Variants in ITLN1 observed in about 807,000 individuals in gnomAD.
The protein encoded by ITLN1 is intelectin-1.
Under a neutral mutation model 36.2 loss-of-function variants are expected in ITLN1, and 29 were observed. The ratio of observed to expected loss-of-function variants is 0.80; its 90% CI spans 0.60 to 1.09. ITLN1 has a LOEUF of 1.09. ITLN1 is among the 50% of genes least tolerant of loss of function. The pLI, the probability that ITLN1 is intolerant of heterozygous loss-of-function variation, is 0.00. For synonymous variants in ITLN1, 143 were observed against 146.5 expected (o/e 0.98, Z 0.17); for missense variants, 358 against 405.2 (o/e 0.88, Z 1.00).
chr1:160,883,158 G>A (rs149530779), intron 3 of ITLN1, among the ~76,000 whole-genome samples: 33 of 152,134 alleles, frequency 2.2e-4, no homozygotes, highest in African/African-American at 7.2e-4. Flanking sequence ...CTGAGCCACC[G>A]CACCCGGCCC....
intron 1 of ITLN1, 46 bp from the exon 2 acceptor site, chr1:160,884,929 T>C (rs1452400701): frequency 2.3e-6 from 3 of 1,293,740 alleles, no homozygotes; most frequent in Non-Finnish European, 3.4e-6. Flanking sequence ...ATCATTTTTC[T>C]CTACATCCCT....
Position 160,881,265 on chromosome 1 carries a change from G to C in ITLN1, c.453C>G (p.His151Gln). 1 of 1,611,772 alleles carries C rather than the reference G, an allele frequency of 6.2e-7. No homozygotes were observed. The highest frequency in any genetic ancestry group is 8.5e-7 in the Non-Finnish European group (1 of 1,178,800). The change falls in exon 5 of 8, where the codon CAC (histidine) becomes CAG (glutamine). Residue 151 changes from histidine to glutamine, a missense_variant. Physicochemically the swap from His to Gln is conservative, Grantham distance 24. Transcript: ENST00000326245. Reference protein sequence around the residue: ...DIQAKDLGIWHVPNKSPMQHW... With the variant: ...DIQAKDLGIWQVPNKSPMQHW... ...GCTGCATGGGGGACTTATTGGGCAC[G>C]TGCCAGATGCCCAGGTCCTTGGCCT...
chr1:160,880,608 T>C lies in ITLN1; in HGVS notation c.665A>G (p.Tyr222Cys). 6.2e-7 allele frequency: 1 copy of C among 1,614,128 alleles called. No individual in the cohort carries two copies. The highest frequency in any genetic ancestry group is 8.5e-7 in the Non-Finnish European group (1 of 1,180,012). ...CTCACGCTGGCCATAGGGTGAGTAATAAGATGCTGTTTTCTGGGCGTCGCC... is the reference window on the plus strand; with the variant it reads ...CTCACGCTGGCCATAGGGTGAGTAACAAGATGCTGTTTTCTGGGCGTCGCC... ...DFGDAQKTAS[Y>C]YSPYGQREFT... The change falls in exon 6 of 8, where the codon TAT (tyrosine) becomes TGT (cysteine). Residue 222 changes from tyrosine to cysteine, a missense_variant. Tyr to Cys is a radical substitution (Grantham distance 194, BLOSUM62 -2). Coordinates refer to ENST00000326245, the MANE Select transcript of ITLN1 (RefSeq NM_017625.3).
At chr1:160,882,246 G>A (rs1181694892) in intron 3 of ITLN1, 42 bp from the exon 4 acceptor site, 20 of 1,531,942 alleles carry the variant, frequency 1.3e-5, no homozygotes, top group Non-Finnish European at 1.8e-5. Flanking sequence ...TCTGAGAGCT[G>A]AGGGTTCATT....
chr1:160,879,521 C>A, intron 6 of ITLN1, 107 bp from the exon 7 acceptor site: 1 of 817,480 alleles, frequency 1.2e-6, no homozygotes. Context: ...CAGCCCAACA[C>A]TCCAGCTGTA....
intron 5 of ITLN1, 85 bp from the exon 6 acceptor site, chr1:160,880,793 G>A (rs1442956756): frequency 1.1e-5 from 16 of 1,459,304 alleles, no homozygotes; most frequent in Non-Finnish European, 1.5e-5. Context: ...CATTCATAGA[G>A]GAGAAACAAT....
At chr1:160,884,946 C>A (rs1670735227) in intron 1 of ITLN1, 63 bp from the exon 2 acceptor site, 3 of 1,067,050 alleles carry the variant, frequency 2.8e-6, no homozygotes, top group African/African-American at 3.1e-5. Context: ...CCCTGCCCCA[C>A]CCCTGTCCAG....
At chr1:160,882,315 C>T in intron 3 of ITLN1, 111 bp from the exon 4 acceptor site, 3 of 1,390,944 alleles carry the variant, frequency 2.2e-6, no homozygotes, top group South Asian at 3.0e-5. Context: ...GGCTCCTGTC[C>T]TGACTCACAT....
Position 160,879,411 on chromosome 1 carries a change from T to C in ITLN1, c.689A>G (p.Glu230Gly). ...ASYYSPYGQR[E>G]FTAGFVQFRV... ...GAACTGAACAAATCCCGCAGTGAAT[T>C]CCCCTGAAAACAAGAGGCAGAAAAC... The change falls in exon 7 of 8, where the codon GAA becomes GGA. Residue 230 changes from glutamate (E) to glycine (G), a missense_variant. Transcript: ENST00000326245. The C allele has an allele frequency of 6.2e-7, 1 of 1,613,348 alleles. No homozygotes were observed. The highest frequency in any genetic ancestry group is 8.5e-7 in the Non-Finnish European group (1 of 1,179,390).
chr1:160,883,731 G>A (rs192521774), intron 2 of ITLN1, among the ~76,000 whole-genome samples: 137 of 152,154 alleles, frequency 9.0e-4, no homozygotes, highest in Middle Eastern at 3.4e-3. Flanking sequence ...CAGCCCATCC[G>A]ACCTGACAGC....
chr1:160,880,763 A>G, intron 5 of ITLN1, 55 bp from the exon 6 acceptor site: 1 of 1,598,676 alleles, frequency 6.3e-7, no homozygotes, highest in Non-Finnish European at 8.6e-7. Context: ...TGCCATTACC[A>G]GCATCTCCTG....
At chr1:160,879,270 G>A (rs3766359) in intron 7 of ITLN1, 41 bp downstream of exon 7, 942,782 of 1,431,206 alleles carry the variant, frequency 0.66, 315,946 homozygotes, top group Middle Eastern at 0.71. Context: ...GGACAAACTC[G>A]ACCTTACTCA....
Position 160,881,250 on chromosome 1 carries a change from G to A in ITLN1, c.468C>T (p.Ser156=), listed in dbSNP as rs763746240. The change falls in exon 5 of 8, where the codon TCC becomes TCT. Residue 156 remains serine (S), a synonymous_variant. Coordinates refer to ENST00000326245, the MANE Select transcript of ITLN1 (RefSeq NM_017625.3). Reference sequence around the variant, plus strand: ...AGCTGTTTCTCCAGTGCTGCATGGGGGACTTATTGGGCACGTGCCAGATGC... The same window carrying A: ...AGCTGTTTCTCCAGTGCTGCATGGGAGACTTATTGGGCACGTGCCAGATGC... ...DLGIWHVPNK[S]PMQHWRNSSL... is the part of the protein sequence containing the mutation. 1.2e-6 allele frequency: 2 copies of A among 1,613,000 alleles called. No individual in the cohort carries two copies. Among genetic ancestry groups the A allele is most frequent in the Non-Finnish European group, 1.7e-6 (2 of 1,179,458 alleles).
intron 7 of ITLN1, among the ~76,000 whole-genome samples, chr1:160,877,077 A>G (rs187336095): frequency 2.6e-5 from 4 of 152,270 alleles, no homozygotes; most frequent in Admixed American, 6.5e-5. Context: ...ATCTCTACAA[A>G]AAATACAAAA....
intron 7 of ITLN1, among the ~76,000 whole-genome samples, chr1:160,877,620 A>G (rs4656955): frequency 0.58 from 88,065 of 152,030 alleles, 27,540 homozygotes; most frequent in Non-Finnish European, 0.68. Context: ...TTCATAAATG[A>G]CACTCCCTCA....
chr1:160,879,317 A>C lies in ITLN1; in HGVS notation c.783T>G (p.Thr261=), dbSNP rs773957192. ...CAGMRVTGCN[T]EHHCIGGGGY... ...AGTCCCCACAGAGACTCACGTGCTC[A>C]GTGTTACATCCGGTGACCCTCATTC... The change falls in exon 7 of 8, where the codon ACT becomes ACG. Residue 261 remains threonine (T), a synonymous_variant. Transcript: ENST00000326245. The C allele has an allele frequency of 2.4e-5, 39 of 1,612,570 alleles. No individual in the cohort carries two copies. The highest frequency in any genetic ancestry group is 1.3e-4 in the Admixed American group (8 of 59,994).
At chr1:160,879,928 G>A (rs767264230) in intron 6 of ITLN1, among the ~76,000 whole-genome samples, 1 of 152,010 alleles carries the variant, frequency 6.6e-6, no homozygotes, top group African/African-American at 2.4e-5. Flanking sequence ...CCATTTTTTT[G>A]GTTGTTCTGT....
In ITLN1 at chr1:160,881,604, T is replaced by C. The variant is rs1369924951; in HGVS notation, c.406-292A>G. 3 of 479,926 alleles carry C rather than the reference T, an allele frequency of 6.3e-6. No individual in the cohort carries two copies. The East Asian group carries it at 1.1e-4, about 18-fold the overall frequency. The allele number at this position is 479,926 out of a possible 1,614,324, so 29.7% of individuals were successfully genotyped here. ...CGGGCAGGTCACTTGAGGTCAGGAG[T>C]TCGAGACGAGCCTGGCCAACATGGT... On this transcript the variant is annotated intron_variant, in intron 4 of 7. Coordinates refer to ENST00000326245, the MANE Select transcript of ITLN1 (RefSeq NM_017625.3).
chr1:160,882,295 A>G, intron 3 of ITLN1, 91 bp from the exon 4 acceptor site: 1 of 1,492,350 alleles, frequency 6.7e-7, no homozygotes. Flanking sequence ...AACCAGAGAC[A>G]TGGCCTAAAG....
Sources: allele counts gnomAD v4.1 joint callset (sites outside exome capture counted in the v4.1 genomes callset), GRCh38; gene constraint gnomAD v4.1.1; transcripts MANE v1.5; gene names NCBI Gene and HGNC (gene_info 2026-07-23, HGNC 2026-07-21).